The following RASA3 variants were observed in gnomAD, a reference collection of about 807,000 sequenced individuals.
The protein encoded by RASA3 is ras GTPase-activating protein 3.
In RASA3, 73 loss-of-function variants were observed where a neutral mutation model predicts 110.0. The ratio of observed to expected loss-of-function variants is 0.66; its 90% CI spans 0.55 to 0.81. The LOEUF is 0.81. Ranked by LOEUF, RASA3 falls within the 30% of genes least tolerant of loss-of-function variation. The pLI is 0.00. For synonymous variants in RASA3, 500 were observed against 451.4 expected (o/e 1.11, Z -1.37); for missense variants, 976 against 1,113.2 (o/e 0.88, Z 1.75).
At position 114,012,473 on chromosome 13, in the gene RASA3, C is replaced by T. The variant is rs557311150; in HGVS notation, c.1512+669G>A. On this transcript the variant is annotated intron_variant, in intron 15 of 23. Coordinates refer to ENST00000334062, the MANE Select transcript of RASA3 (RefSeq NM_007368.4). ...TCCCCATGCACCGTCCACACACACT[C>T]CCCATTCCAAACGCACTCCCCACTC... is the stretch of plus-strand genomic sequence containing the variant. Among the ~76,000 whole-genome samples, 448 of 148,594 alleles carry T rather than the reference C, an allele frequency of 3.0e-3. 3 individuals are homozygous for T. The highest frequency in any genetic ancestry group is 7.4e-3 in the Admixed American group (111 of 14,988).
At position 114,014,014 on chromosome 13, in the gene RASA3, C is replaced by CTA. The variant is rs1375868867; in HGVS notation, c.1406-767_1406-766insTA. On this transcript the variant is annotated intron_variant, in intron 14 of 23. Transcript: ENST00000334062. This position sits in a 1 kb window ranked among gnomAD's most constrained non-coding sequence, Gnocchi z 4.5. ...CATCTCTCTCCGTCTGTCTCTGTCT[C>CTA]TCTCCATCTCTCTCTCTCCGTCTCT... 2.6e-3 allele frequency among the ~76,000 whole-genome samples: 193 copies of CTA among 73,074 alleles called. 4 individuals are homozygous for CTA. The highest frequency in any genetic ancestry group is 0.017 in the African/African-American group (183 of 10,884). 47.9% of individuals were successfully genotyped at this position (73,074 alleles called of 152,430 possible).
chr13:113,984,409 C>T lies in RASA3; in HGVS notation c.2246-2551G>A, dbSNP rs1465853876. 3.1e-5 allele frequency among the ~76,000 whole-genome samples: 3 copies of T among 95,894 alleles called. No homozygotes were observed. The East Asian group carries it at 1.1e-3, about 36-fold the overall frequency. The allele number at this position is 95,894 out of a possible 152,430, so 62.9% of individuals were successfully genotyped here. The stretch of plus-strand genomic sequence containing the variant: ...CCCATCTGTCAATCCACCCATCACT[C>T]ACCCCTTTGTCCATGAACTCAACAC... On this transcript the variant is annotated intron_variant, in intron 22 of 23. Transcript: ENST00000334062.
At chr13:114,099,471 G>A (rs1232407853) in intron 1 of RASA3, among the ~76,000 whole-genome samples, 1 of 151,802 alleles carries the variant, frequency 6.6e-6, no homozygotes, top group South Asian at 2.1e-4. Flanking sequence ...CGGGGTGTCC[G>A]GGAATGACTC....
intron 4 of RASA3, among the ~76,000 whole-genome samples, chr13:114,030,433 A>G (rs2054131731): frequency 1.3e-5 from 1 of 74,676 alleles, no homozygotes; most frequent in East Asian, 3.4e-4. Context: ...CACAGAGGGC[A>G]AGGCTCACAC....
At position 114,011,300 on chromosome 13, in the gene RASA3, G is replaced by T; in HGVS notation, c.1513-52C>A. The stretch of plus-strand genomic sequence containing the variant: ...TATGTCAGCATCACAGAAATGCTGT[G>T]ACTGTCCCAGATCGAGGGGACGAAA... On this transcript the variant is annotated intron_variant, in intron 15 of 23. Coordinates refer to ENST00000334062, the MANE Select transcript of RASA3 (RefSeq NM_007368.4). The surrounding 1 kb of genome is among the most constrained non-coding windows in gnomAD (Gnocchi z 4.8). 6.8e-7 allele frequency: 1 copy of T among 1,465,436 alleles called. No homozygotes were observed. Among genetic ancestry groups the T allele is most frequent in the South Asian group, 1.2e-5 (1 of 85,528 alleles). The allele number at this position is 1,465,436 out of a possible 1,614,324, so 90.8% of individuals were successfully genotyped here.
intron 8 of RASA3, among the ~76,000 whole-genome samples, chr13:114,023,178 C>T (rs1207745415): frequency 6.6e-6 from 1 of 152,228 alleles, no homozygotes; most frequent in East Asian, 1.9e-4. Context: ...ATTTGATGGC[C>T]AGCACATTCT....
intron 18 of RASA3, among the ~76,000 whole-genome samples, chr13:114,004,729 CAAG>C (rs374468770): frequency 2.6e-5 from 4 of 152,144 alleles, no homozygotes; most frequent in Middle Eastern, 3.2e-3. Flanking sequence ...GGAGATTTCT[CAAG>C]AAGCTAAAGG....
chr13:114,092,500 GTTTT>G (rs1258844653), intron 1 of RASA3, among the ~76,000 whole-genome samples: 2 of 152,066 alleles, frequency 1.3e-5, no homozygotes. Context: ...ATGGTTTCTA[GTTTT>G]TTTGATTGTG....
chr13:113,989,088 C>T (rs571996009), intron 22 of RASA3, among the ~76,000 whole-genome samples: 11 of 148,088 alleles, frequency 7.4e-5, no homozygotes, highest in African/African-American at 2.3e-4. Context: ...GTCAGTCCAC[C>T]GATCACTCAC....
intron 2 of RASA3, among the ~76,000 whole-genome samples, chr13:114,060,746 C>T (rs902100253): frequency 2.6e-5 from 4 of 152,222 alleles, no homozygotes; most frequent in East Asian, 3.9e-4. Flanking sequence ...CGCTCGCCCG[C>T]GGTGGAGCTG....
At chr13:114,130,927 C>G in intron 1 of RASA3, among the ~76,000 whole-genome samples, 1 of 152,274 alleles carries the variant, frequency 6.6e-6, no homozygotes, top group East Asian at 1.9e-4. Context: ...GAGCAGCAAA[C>G]TGACCCCCAC....
At position 114,115,658 on chromosome 13, in the gene RASA3, C is replaced by T. The variant is rs749192624; in HGVS notation, c.55+16777G>A. On this transcript the variant is annotated intron_variant, in intron 1 of 23. Coordinates refer to ENST00000334062, the MANE Select transcript of RASA3 (RefSeq NM_007368.4). The surrounding 1 kb of genome is among the most constrained non-coding windows in gnomAD (Gnocchi z 5.0). ...TGGTGGCTCCTCTCATAACACACAG[C>T]CTCCTGTGTATGTTTTTACCCTACA... 6.6e-6 allele frequency among the ~76,000 whole-genome samples: 1 copy of T among 152,128 alleles called. No individual in the cohort carries two copies.
chr13:114,126,180 G>A (rs894523625), intron 1 of RASA3, among the ~76,000 whole-genome samples: 9 of 138,932 alleles, frequency 6.5e-5, no homozygotes, highest in Middle Eastern at 4.0e-3. Context: ...GTCCAACCTC[G>A]CACCCTCCAG....
intron 7 of RASA3, among the ~76,000 whole-genome samples, chr13:114,024,879 T>C (rs2053998810): frequency 6.6e-6 from 1 of 151,880 alleles, no homozygotes; most frequent in African/African-American, 2.4e-5. Flanking sequence ...AAGACGCTGC[T>C]ACCTTCCTCC....
intron 2 of RASA3, among the ~76,000 whole-genome samples, chr13:114,071,929 A>G (rs2079578923): frequency 6.6e-6 from 1 of 152,160 alleles, no homozygotes; most frequent in Non-Finnish European, 1.5e-5. Flanking sequence ...ATGTTCTCAA[A>G]ATCAAAATAG....
chr13:114,034,798 C>T (rs1254267819), intron 4 of RASA3, among the ~76,000 whole-genome samples: 1 of 152,236 alleles, frequency 6.6e-6, no homozygotes, highest in Non-Finnish European at 1.5e-5. Flanking sequence ...AAGTGTTACT[C>T]ATCAAAATCA....
At chr13:114,005,386 G>A (rs1418784177) in intron 18 of RASA3, among the ~76,000 whole-genome samples, 1 of 152,198 alleles carries the variant, frequency 6.6e-6, no homozygotes, top group African/African-American at 2.4e-5. Flanking sequence ...GGGCTCTGAT[G>A]CTCCAGGGAC....
intron 1 of RASA3, among the ~76,000 whole-genome samples, chr13:114,122,198 A>AC (rs1424172779): frequency 3.3e-5 from 5 of 151,702 alleles, no homozygotes; most frequent in Non-Finnish European, 7.4e-5. Flanking sequence ...GGTCAGCCCC[A>AC]CCCCCGGCCA....
chr13:114,121,274 G>A (rs2080372639), intron 1 of RASA3, among the ~76,000 whole-genome samples: 2 of 152,216 alleles, frequency 1.3e-5, no homozygotes, highest in Non-Finnish European at 2.9e-5. Flanking sequence ...GAGCCTCCTG[G>A]GACCAGGCCC....
Sources: gnomAD v4.1 joint callset for allele counts (sites outside exome capture counted in the v4.1 genomes callset) on GRCh38, gnomAD v4.1.1 for gene constraint, Gnocchi (gnomAD v3.1) non-coding constraint, MANE v1.5 for transcripts, NCBI Gene and HGNC (gene_info 2026-07-23, HGNC 2026-07-21) for gene names.